Variants in SV2C observed in about 807,000 individuals in gnomAD.
SV2C encodes solute carrier family 22 member B3.
In SV2C, 49 loss-of-function variants were observed where a neutral mutation model predicts 79.7. That is an observed-to-expected ratio of 0.61 (90% confidence interval 0.49 to 0.78). SV2C has a LOEUF of 0.78. SV2C is among the 30% of genes least tolerant of loss of function. The pLI, the probability that SV2C is intolerant of heterozygous loss-of-function variation, is 0.00. For missense variants in SV2C, 833 were observed against 912.9 expected (o/e 0.91, Z 1.13); for synonymous variants, 334 against 333.2 (o/e 1.00, Z -0.03).
chr5:76,265,041 C>G (rs6884646), intron 4 of SV2C, among the ~76,000 whole-genome samples: 126,958 of 152,220 alleles, frequency 0.83, 53,151 homozygotes, highest in Middle Eastern at 0.95. Flanking sequence ...GTCTGCTGAA[C>G]CTGTGCCCAA....
At chr5:76,023,143 A>C in the SV2C span, among the ~76,000 whole-genome samples, 1 of 152,186 alleles carries the variant, frequency 6.6e-6, no homozygotes, top group African/African-American at 2.4e-5. Flanking sequence ...AATAGCTACT[A>C]AATCTGAGTT....
At chr5:76,129,956 T>C (rs1748825180) in intron 1 of SV2C, among the ~76,000 whole-genome samples, 1 of 151,960 alleles carries the variant, frequency 6.6e-6, no homozygotes, top group Non-Finnish European at 1.5e-5. Flanking sequence ...ATTCAGATTT[T>C]CTGTTAATTT....
intron 2 of SV2C, among the ~76,000 whole-genome samples, chr5:76,133,103 C>T (rs760365066): frequency 4.6e-4 from 70 of 152,172 alleles, no homozygotes; most frequent in South Asian, 2.9e-3. Context: ...TAACACTCTC[C>T]GAGTTTGTGC....
chr5:75,952,721 G>A, the SV2C span, among the ~76,000 whole-genome samples: 1 of 151,822 alleles, frequency 6.6e-6, no homozygotes, highest in African/African-American at 2.4e-5. Context: ...CTCACCAGAA[G>A]TCAAGCAGAT....
At chr5:76,097,233 A>G (rs1406926209) in intron 1 of SV2C, among the ~76,000 whole-genome samples, 1 of 152,202 alleles carries the variant, frequency 6.6e-6, no homozygotes, top group Non-Finnish European at 1.5e-5. Context: ...TAAGCCTAGA[A>G]TTGTATTCTG....
chr5:76,096,491 C>A (rs919624949), intron 1 of SV2C, among the ~76,000 whole-genome samples: 4 of 152,150 alleles, frequency 2.6e-5, no homozygotes, highest in Admixed American at 2.0e-4. Flanking sequence ...CTAGACTGAG[C>A]ATGGCTGGGG....
At chr5:76,010,876 G>A in the SV2C span, among the ~76,000 whole-genome samples, 1 of 152,234 alleles carries the variant, frequency 6.6e-6, no homozygotes, top group Non-Finnish European at 1.5e-5. Flanking sequence ...TGCACAATTT[G>A]GTGTAGACTG....
chr5:75,855,428 A>G, the SV2C span, among the ~76,000 whole-genome samples: 1 of 152,110 alleles, frequency 6.6e-6, no homozygotes, highest in Non-Finnish European at 1.5e-5. Context: ...GATTTTCTAC[A>G]TACAGGTATA....
chr5:75,908,853 T>C, the SV2C span, among the ~76,000 whole-genome samples: 1 of 152,258 alleles, frequency 6.6e-6, no homozygotes, highest in African/African-American at 2.4e-5. Flanking sequence ...AGTGCAGAGA[T>C]TTGCAGCATA....
the SV2C span, among the ~76,000 whole-genome samples, chr5:75,882,698 T>C: frequency 6.6e-6 from 1 of 152,252 alleles, no homozygotes; most frequent in East Asian, 1.9e-4. Context: ...GCTAGCCATA[T>C]GTAGAAAGCT....
At chr5:76,078,835 A>G, upstream of SV2C, 1 of 586,530 alleles carries the variant, frequency 1.7e-6, no homozygotes, top group Non-Finnish European at 3.4e-6. Context: ...ACACAAAAAC[A>G]GCATCTTTGC....
chr5:75,858,949 A>G, the SV2C span, among the ~76,000 whole-genome samples: 1 of 151,266 alleles, frequency 6.6e-6, no homozygotes, highest in African/African-American at 2.4e-5. Context: ...CTTCTTTTTC[A>G]TCCCTGATTT....
At chr5:76,081,705 A>G (rs1193362171), upstream of SV2C, among the ~76,000 whole-genome samples, 1 of 152,232 alleles carries the variant, frequency 6.6e-6, no homozygotes, top group Non-Finnish European at 1.5e-5. Flanking sequence ...TCAACAGCAC[A>G]TGAGAATCAT....
At chr5:76,170,681 T>G (rs1743193790) in intron 2 of SV2C, among the ~76,000 whole-genome samples, 1 of 149,606 alleles carries the variant, frequency 6.7e-6, no homozygotes. Flanking sequence ...AAAGGCAACG[T>G]CTTTAATCTA....
chr5:75,868,160 C>T, the SV2C span, among the ~76,000 whole-genome samples: 47 of 152,242 alleles, frequency 3.1e-4, no homozygotes, highest in African/African-American at 1.1e-3. Context: ...GAAATATAAA[C>T]ATTTGCAAAG....
Position 76,254,253 on chromosome 5 carries a change from T to TAG in SV2C, c.914-30908_914-30907insGA, listed in dbSNP as rs199960755. Reference sequence around the variant, plus strand: ...ATATGTGTGTGTGTATATATATATATATATAGAGAGAGAGAGAGAGATATT... The same window carrying TAG: ...ATATGTGTGTGTGTATATATATATATAGATATAGAGAGAGAGAGAGAGATATT... On this transcript the variant is annotated intron_variant, in intron 4 of 12. Transcript: ENST00000502798. Among the ~76,000 whole-genome samples the TAG allele has an allele frequency of 4.0e-3, 588 of 147,746 alleles. 4 individuals are homozygous for TAG. Among genetic ancestry groups the TAG allele is most frequent in the African/African-American group, 0.013 (506 of 38,774 alleles).
At chr5:75,971,126 G>A in the SV2C span, among the ~76,000 whole-genome samples, 3 of 151,840 alleles carry the variant, frequency 2.0e-5, no homozygotes, top group South Asian at 2.1e-4. Flanking sequence ...ATTCAACAAC[G>A]CTTCATGCTA....
At chr5:76,293,184 C>T (rs545734402) in intron 8 of SV2C, among the ~76,000 whole-genome samples, 2 of 152,224 alleles carry the variant, frequency 1.3e-5, no homozygotes, top group South Asian at 4.1e-4. Flanking sequence ...AAGTAATTCC[C>T]ACCCAAGCTC....
chr5:75,874,114 T>C, the SV2C span, among the ~76,000 whole-genome samples: 1 of 152,018 alleles, frequency 6.6e-6, no homozygotes, highest in Non-Finnish European at 1.5e-5. Context: ...AAAGAAAACT[T>C]CAGGTCAATA....
Sources: gnomAD v4.1 joint callset for allele counts (sites outside exome capture counted in the v4.1 genomes callset) on GRCh38, gnomAD v4.1.1 for gene constraint, MANE v1.5 for transcripts, NCBI Gene and HGNC (gene_info 2026-07-23, HGNC 2026-07-21) for gene names.